Variants in SPAG1 observed in about 807,000 individuals in gnomAD.
SPAG1 encodes sperm-associated antigen 1.
A neutral mutation model predicts 100.5 loss-of-function variants in SPAG1; 69 were observed. The observed-to-expected ratio is 0.69, with a 90% CI of 0.57 to 0.84. The LOEUF (loss-of-function observed/expected upper bound fraction) is 0.84, where lower values mean the gene tolerates loss of function less well. Among genes scored for constraint, SPAG1 ranks in the 40% least tolerant of loss-of-function variants. The probability of loss-of-function intolerance (pLI) is 0.00; values close to 1 mark genes in which losing one functional copy is unlikely to be tolerated. For synonymous variants in SPAG1, 336 were observed against 411.6 expected (o/e 0.82, Z 2.22); for missense variants, 955 against 1,133.1 (o/e 0.84, Z 2.26).
chr8:100,212,032 G>A (rs1410409997), intron 10 of SPAG1, among the ~76,000 whole-genome samples: 2 of 152,248 alleles, frequency 1.3e-5, no homozygotes, highest in Non-Finnish European at 2.9e-5. Context: ...TTAATCTGCA[G>A]ATTTATCTTT....
intron 13 of SPAG1, among the ~76,000 whole-genome samples, chr8:100,220,947 CCT>C (rs1222331746): frequency 6.6e-6 from 1 of 152,004 alleles, no homozygotes; most frequent in Non-Finnish European, 1.5e-5. Flanking sequence ...GTGGCGGGCG[CCT>C]GTAATCCCAG....
At chr8:100,166,508 C>T (rs1380574997) in intron 3 of SPAG1, among the ~76,000 whole-genome samples, 1 of 152,180 alleles carries the variant, frequency 6.6e-6, no homozygotes, top group Non-Finnish European at 1.5e-5. Flanking sequence ...CCACCCACCT[C>T]GGCCTCCCAA....
At position 100,231,289 on chromosome 8, in the gene SPAG1, G is replaced by A. The variant is rs755260914; in HGVS notation, c.1988+1G>A. ...AGGAATGTGCCATATATACAAACAG[G>A]CAAGTTCTTTGTAACTTTATATATT... On this transcript the variant is annotated splice_donor_variant, in intron 15 of 18. Coordinates refer to ENST00000388798, the MANE Select transcript of SPAG1 (RefSeq NM_003114.5). LOFTEE classifies it high-confidence loss of function. 4 of 1,525,864 alleles carry A rather than the reference G, an allele frequency of 2.6e-6. No individual in the cohort carries two copies. Among genetic ancestry groups the A allele is most frequent in the South Asian group, 2.6e-5 (2 of 76,806 alleles). The allele number at this position is 1,525,864 out of a possible 1,614,324, so 94.5% of individuals were successfully genotyped here. A position where few individuals can be genotyped will look rare whatever the true frequency, so the allele number is the denominator to read the frequency against.
intron 18 of SPAG1, 23 bp from the exon 19 acceptor site, chr8:100,240,864 GTTTT>G (rs57110081): frequency 9.4e-6 from 13 of 1,388,928 alleles, no homozygotes; most frequent in African/African-American, 3.3e-5. Context: ...TTGGTTTTTT[GTTTT>G]TTTTTTTTTT....
At chr8:100,171,623 G>A (rs1289533670) in intron 3 of SPAG1, among the ~76,000 whole-genome samples, 1 of 151,904 alleles carries the variant, frequency 6.6e-6, no homozygotes, top group Non-Finnish European at 1.5e-5. Context: ...CCTCCCTAAC[G>A]TCCAAACTTT....
At chr8:100,225,038 A>G (rs1489043478) in intron 13 of SPAG1, 135 bp from the exon 14 acceptor site, 2 of 563,728 alleles carry the variant, frequency 3.5e-6, no homozygotes, top group Admixed American at 6.3e-5. Context: ...ACGGACAGAA[A>G]ATGCTCAGGA....
intron 13 of SPAG1, among the ~76,000 whole-genome samples, chr8:100,222,673 A>C (rs1818336661): frequency 6.6e-6 from 1 of 152,222 alleles, no homozygotes; most frequent in Non-Finnish European, 1.5e-5. Flanking sequence ...AGGAAGTCTA[A>C]TTAATAGTAG....
chr8:100,178,491 A>G (rs1026065288), intron 4 of SPAG1, among the ~76,000 whole-genome samples: 1 of 151,954 alleles, frequency 6.6e-6, no homozygotes, highest in Non-Finnish European at 1.5e-5. Flanking sequence ...TCCACAGAGA[A>G]GGGGCCTCTT....
intron 1 of SPAG1, among the ~76,000 whole-genome samples, chr8:100,161,438 C>T (rs898745074): frequency 1.3e-5 from 2 of 152,158 alleles, no homozygotes; most frequent in Non-Finnish European, 2.9e-5. Flanking sequence ...ACAATGATTT[C>T]GGTACTGACT....
rs77432540 is a variant in SPAG1, at chr8:100,198,770, A to C, written c.1096+4502A>C. ...CATCCCCAAAAGAAATTCTATACCC[A>C]TTGGCAGTTACTGCCCATTTTACCC... On this transcript the variant is annotated intron_variant, in intron 10 of 18. Coordinates refer to ENST00000388798, the MANE Select transcript of SPAG1 (RefSeq NM_003114.5). 8.1e-4 allele frequency among the ~76,000 whole-genome samples: 123 copies of C among 152,252 alleles called. No homozygotes were observed. The East Asian group carries it at 0.022, about 27-fold the overall frequency.
At chr8:100,225,144 T>A (rs1262886793) in intron 13 of SPAG1, 29 bp from the exon 14 acceptor site, 1 of 1,578,696 alleles carries the variant, frequency 6.3e-7, no homozygotes, top group Admixed American at 1.8e-5. Flanking sequence ...AACTAAATGA[T>A]CAACAGAGAA....
intron 16 of SPAG1, among the ~76,000 whole-genome samples, chr8:100,238,769 T>G (rs1819121979): frequency 2.9e-5 from 1 of 34,434 alleles, no homozygotes; most frequent in Admixed American, 4.7e-4. Flanking sequence ...AAGCCACTTA[T>G]TATTTGTTCA....
intron 10 of SPAG1, among the ~76,000 whole-genome samples, chr8:100,200,116 G>C (rs1439391315): frequency 2.6e-5 from 4 of 151,986 alleles, no homozygotes; most frequent in African/African-American, 9.7e-5. Context: ...CCCATGACAG[G>C]CCCCGGTGTG....
At chr8:100,230,910 T>C (rs533372435) in intron 14 of SPAG1, among the ~76,000 whole-genome samples, 1 of 152,220 alleles carries the variant, frequency 6.6e-6, no homozygotes, top group East Asian at 1.9e-4. Flanking sequence ...TGTGAGCCAC[T>C]GCACCCGGCA....
intron 10 of SPAG1, among the ~76,000 whole-genome samples, chr8:100,212,874 C>G (rs1817772531): frequency 7.2e-6 from 1 of 138,434 alleles, no homozygotes; most frequent in African/African-American, 2.8e-5. Context: ...ACCCGGGAGC[C>G]GAGTCCTCAG....
At chr8:100,193,570 A>G (rs1046019253) in intron 9 of SPAG1, among the ~76,000 whole-genome samples, 2 of 152,188 alleles carry the variant, frequency 1.3e-5, no homozygotes, top group Admixed American at 6.5e-5. Context: ...TGATATATCT[A>G]TTTTTCATCA....
intron 3 of SPAG1, among the ~76,000 whole-genome samples, chr8:100,167,466 T>G (rs997999134): frequency 1.3e-5 from 2 of 152,206 alleles, no homozygotes; most frequent in African/African-American, 4.8e-5. Context: ...AAGAGTTATG[T>G]GAATATGAGC....
intron 2 of SPAG1, chr8:100,165,176 C>T (rs551160439): frequency 5.1e-4 from 225 of 439,768 alleles, no homozygotes; most frequent in African/African-American, 4.1e-3. Flanking sequence ...CAAAAAATAC[C>T]AATATTTATT....
intron 10 of SPAG1, among the ~76,000 whole-genome samples, chr8:100,199,599 C>T (rs1251324937): frequency 6.6e-6 from 1 of 152,158 alleles, no homozygotes; most frequent in Non-Finnish European, 1.5e-5. Context: ...GCTCCCACCA[C>T]CATGCCCAGC....
Sources: gnomAD v4.1 joint callset for allele counts (sites outside exome capture counted in the v4.1 genomes callset) on GRCh38, gnomAD v4.1.1 for gene constraint, MANE v1.5 for transcripts, NCBI Gene and HGNC (gene_info 2026-07-23, HGNC 2026-07-21) for gene names.